The following KIF16B variants were observed in gnomAD, a reference collection of about 807,000 sequenced individuals.
KIF16B encodes the protein kinesin family member 16B.
A neutral mutation model predicts 156.3 loss-of-function variants in KIF16B; 98 were observed. That is an observed-to-expected ratio of 0.63 (90% CI 0.53 to 0.74). KIF16B has a LOEUF of 0.74. KIF16B is among the 30% of genes least tolerant of loss of function. The pLI is 0.00. For synonymous variants in KIF16B, 564 were observed against 583.7 expected (o/e 0.97, Z 0.49); for missense variants, 1,421 against 1,606.5 (o/e 0.88, Z 1.97).
At chr20:16,316,706 CT>C (rs34769584) in intron 24 of KIF16B, among the ~76,000 whole-genome samples, 7 of 152,016 alleles carry the variant, frequency 4.6e-5, no homozygotes, top group Non-Finnish European at 1.0e-4. Flanking sequence ...GAGGGCTGGA[CT>C]TTTTTTTCTC....
At chr20:16,367,907 CA>C in intron 22 of KIF16B, 1 of 1,476,884 alleles carries the variant, frequency 6.8e-7, no homozygotes, top group Non-Finnish European at 8.9e-7. Flanking sequence ...ACACTCTGTC[CA>C]CCAAAGCCAA....
chr20:16,286,622 A>G (rs2063226613), intron 25 of KIF16B, among the ~76,000 whole-genome samples: 1 of 152,184 alleles, frequency 6.6e-6, no homozygotes, highest in Non-Finnish European at 1.5e-5. Flanking sequence ...TGAGATTCCT[A>G]ATGTCCAGAA....
intron 1 of KIF16B, among the ~76,000 whole-genome samples, chr20:16,532,063 C>G (rs1466599960): frequency 2.4e-5 from 3 of 122,506 alleles, no homozygotes; most frequent in Non-Finnish European, 5.1e-5. Context: ...AGCAAAACTC[C>G]GTCTCAAAAA....
intron 24 of KIF16B, among the ~76,000 whole-genome samples, chr20:16,326,685 T>C (rs1372883956): frequency 6.6e-6 from 1 of 151,892 alleles, no homozygotes; most frequent in Non-Finnish European, 1.5e-5. Flanking sequence ...GATGTTGGCA[T>C]GGATGTGGTA....
At chr20:16,461,145 G>A (rs947692111) in intron 12 of KIF16B, among the ~76,000 whole-genome samples, 1 of 151,834 alleles carries the variant, frequency 6.6e-6, no homozygotes, top group Non-Finnish European at 1.5e-5. Context: ...TATAAGATTT[G>A]AAGGCACAAA....
At chr20:16,534,199 G>A (rs1356098072) in intron 1 of KIF16B, among the ~76,000 whole-genome samples, 1 of 151,932 alleles carries the variant, frequency 6.6e-6, no homozygotes, top group Non-Finnish European at 1.5e-5. Context: ...AGGTTGCAGT[G>A]AGCTGAGATC....
chr20:16,514,582 G>GAAAAAAC (rs2069071305), intron 4 of KIF16B, among the ~76,000 whole-genome samples: 1 of 76,948 alleles, frequency 1.3e-5, no homozygotes, highest in African/African-American at 5.6e-5. Context: ...TAAGAAATAA[G>GAAAAAAC]AAAAAAAAAA....
chr20:16,510,237 A>G (rs1356420470), intron 6 of KIF16B, among the ~76,000 whole-genome samples: 1 of 152,248 alleles, frequency 6.6e-6, no homozygotes, highest in Non-Finnish European at 1.5e-5. Context: ...ACATGAAGGC[A>G]TGAGTTAGGC....
intron 12 of KIF16B, among the ~76,000 whole-genome samples, chr20:16,481,701 T>A (rs945581240): frequency 2.0e-5 from 3 of 152,186 alleles, no homozygotes; most frequent in Non-Finnish European, 4.4e-5. Flanking sequence ...GACCATCTTT[T>A]GTGATGTCTG....
intron 1 of KIF16B, among the ~76,000 whole-genome samples, chr20:16,541,295 C>T (rs1037220260): frequency 2.0e-5 from 3 of 152,168 alleles, no homozygotes; most frequent in Admixed American, 1.3e-4. Context: ...AGGCAATCAC[C>T]CTGACTTCAT....
chr20:16,526,180 G>A lies in KIF16B; in HGVS notation c.143C>T (p.Ser48Leu), dbSNP rs2147141815. The A allele has an allele frequency of 6.3e-7, 1 of 1,599,754 alleles. No homozygotes were observed. The highest frequency in any genetic ancestry group is 2.2e-5 in the East Asian group (1 of 44,642). ...GAAGGTCTTGGTCCGTTCTCTTCCT[G>A]AGTCCCCAGTGCCTCCTTCTGGTAT... is the stretch of plus-strand genomic sequence containing the variant. ...LKIPEGGTGD[S>L]GRERTKTFTY... The change falls in exon 3 of 26, where the codon TCA becomes TTA. Residue 48 changes from serine (S) to leucine (L), a missense_variant. By Grantham distance (145) the Ser-to-Leu change is moderately radical (BLOSUM62 -2). Coordinates refer to ENST00000354981, the MANE Select transcript of KIF16B (RefSeq NM_024704.5).
At chr20:16,493,176 G>A (rs2068348803) in intron 12 of KIF16B, among the ~76,000 whole-genome samples, 1 of 152,134 alleles carries the variant, frequency 6.6e-6, no homozygotes, top group African/African-American at 2.4e-5. Context: ...ATAAGAAGCT[G>A]GAAAGGCCAT....
Position 16,492,537 on chromosome 20 carries a change from C to G in KIF16B, c.1302+1754G>C, listed in dbSNP as rs527534637. 7.9e-4 allele frequency among the ~76,000 whole-genome samples: 120 copies of G among 152,158 alleles called. 2 individuals carry two copies. The highest frequency in any genetic ancestry group is 2.6e-3 in the African/African-American group (109 of 41,524). On this transcript the variant is annotated intron_variant, in intron 12 of 25. Transcript: ENST00000354981. The stretch of plus-strand genomic sequence containing the variant: ...AGTCATAAAAAAGAAAATAGTTAGA[C>G]TTATTTTTTAAAAAAGCATTGGAAT...
intron 25 of KIF16B, among the ~76,000 whole-genome samples, chr20:16,287,449 G>A (rs2063240151): frequency 6.6e-6 from 1 of 152,184 alleles, no homozygotes; most frequent in African/African-American, 2.4e-5. Context: ...GAAAATGTTA[G>A]TCTGTGATTA....
chr20:16,412,050 C>A (rs1344779351), intron 15 of KIF16B, among the ~76,000 whole-genome samples: 1 of 150,234 alleles, frequency 6.7e-6, no homozygotes, highest in South Asian at 2.1e-4. Flanking sequence ...ACAAGAGGAC[C>A]TAACATTGGG....
chr20:16,558,655 C>T (rs1366900042), intron 1 of KIF16B, among the ~76,000 whole-genome samples: 1 of 152,214 alleles, frequency 6.6e-6, no homozygotes, highest in Non-Finnish European at 1.5e-5. Flanking sequence ...GTAATCCCAA[C>T]ACTTTGGGAG....
At chr20:16,512,353 T>G (rs1290436093) in intron 5 of KIF16B, among the ~76,000 whole-genome samples, 1 of 152,198 alleles carries the variant, frequency 6.6e-6, no homozygotes, top group African/African-American at 2.4e-5. Flanking sequence ...AAATCCTATA[T>G]TGCCATGTCT....
intron 12 of KIF16B, 86 bp downstream of exon 12, chr20:16,494,205 C>T: frequency 5.3e-6 from 4 of 757,318 alleles, no homozygotes; most frequent in Non-Finnish European, 6.6e-6. Flanking sequence ...TATACAACTG[C>T]CATGTTTGGA....
At chr20:16,505,697 C>T (rs751394110) in intron 9 of KIF16B, 25 bp downstream of exon 9, 5 of 1,603,104 alleles carry the variant, frequency 3.1e-6, no homozygotes, top group South Asian at 2.2e-5. Context: ...ATTGTATGCT[C>T]AGAAAAGTAA....
Sources: gnomAD v4.1 joint callset for allele counts (sites outside exome capture counted in the v4.1 genomes callset) on GRCh38, gnomAD v4.1.1 for gene constraint, MANE v1.5 for transcripts, NCBI Gene and HGNC (gene_info 2026-07-23, HGNC 2026-07-21) for gene names.